The following CASK variants were observed in gnomAD, a reference collection of about 807,000 sequenced individuals.
The protein encoded by CASK is calcium/calmodulin dependent serine protein kinase.
A neutral mutation model predicts 82.9 loss-of-function variants in CASK; 4 were observed. That is an observed-to-expected ratio of 0.05 (90% CI 0.02 to 0.11). The LOEUF (loss-of-function observed/expected upper bound fraction) is 0.11, where lower values mean the gene tolerates loss of function less well. Among genes scored for constraint, CASK ranks in the 10% least tolerant of loss-of-function variants. The pLI is 1.00. For missense variants in CASK, 358 were observed against 720.9 expected (o/e 0.50, Z 5.76); for synonymous variants, 259 against 253.5 (o/e 1.02, Z -0.20).
intron 8 of CASK, among the ~76,000 whole-genome samples, chrX:41,641,647 A>C (rs903881944): frequency 1.8e-5 from 2 of 112,256 alleles, no homozygotes; most frequent in Admixed American, 9.4e-5. Flanking sequence ...TTGATGTGAA[A>C]TAAGTGAATA....
At chrX:41,846,473 G>C (rs2071157871) in intron 2 of CASK, among the ~76,000 whole-genome samples, 1 of 110,434 alleles carries the variant, frequency 9.1e-6, no homozygotes, top group Non-Finnish European at 1.9e-5. Context: ...GGGGAAAGTA[G>C]GGATGGTTAA....
At chrX:41,916,708 G>T (rs1171170564) in intron 1 of CASK, among the ~76,000 whole-genome samples, 2 of 111,777 alleles carry the variant, frequency 1.8e-5, no homozygotes, top group Admixed American at 1.9e-4. Flanking sequence ...TTTTATCACA[G>T]GATAAAGGAA....
intron 1 of CASK, among the ~76,000 whole-genome samples, chrX:41,883,312 T>C (rs1196137520): frequency 1.8e-5 from 2 of 111,495 alleles, no homozygotes; most frequent in Non-Finnish European, 3.8e-5. Context: ...ACTATAAACA[T>C]CAACAGCTCC....
chrX:41,569,847 TA>T (rs935210203), intron 15 of CASK, 101 bp from the exon 16 acceptor site: 11 of 513,721 alleles, frequency 2.1e-5, no homozygotes, highest in Non-Finnish European at 3.6e-5. Context: ...AATTACCAGT[TA>T]AAAAAAATTA....
rs1474354485 is a variant in CASK, at chrX:41,517,297, A to T, written c.*3123T>A. Reference sequence around the variant, plus strand: ...AATGCAAATAGCAAGAAGTAGGTCAACCATTTGTTTTCCTCTCTGAGCAAA... The same window carrying T: ...AATGCAAATAGCAAGAAGTAGGTCATCCATTTGTTTTCCTCTCTGAGCAAA... On this transcript the variant is annotated 3_prime_UTR_variant, in exon 27 of 27. Coordinates refer to ENST00000378163, the MANE Select transcript of CASK (RefSeq NM_001367721.1). The T allele has an allele frequency of 8.4e-6, 1 of 118,372 alleles. No individual in the cohort carries two copies. The highest frequency in any genetic ancestry group is 8.6e-5 in the Admixed American group (1 of 11,574). The allele number at this position is 118,372 out of a possible 1,213,427, so 9.8% of individuals were successfully genotyped here. A position where few individuals can be genotyped will look rare whatever the true frequency, so the allele number is the denominator to read the frequency against.
chrX:41,661,679 T>C (rs1240389332), intron 7 of CASK, among the ~76,000 whole-genome samples: 1 of 109,689 alleles, frequency 9.1e-6, no homozygotes, highest in Non-Finnish European at 1.9e-5. Context: ...TGCTTCATTT[T>C]TCCCCCCAAC....
chrX:41,737,175 G>A (rs186489469), intron 5 of CASK, among the ~76,000 whole-genome samples: 58 of 111,786 alleles, frequency 5.2e-4, no homozygotes, highest in African/African-American at 1.1e-3. Context: ...ATAGGGCCAC[G>A]TGGAGAGAGA....
At chrX:41,912,301 T>G (rs1033943237) in intron 1 of CASK, among the ~76,000 whole-genome samples, 2 of 71,487 alleles carry the variant, frequency 2.8e-5, no homozygotes, top group African/African-American at 5.4e-5. Flanking sequence ...TTGTTTTCTG[T>G]TTTTTTTTTT....
At chrX:41,906,285 C>G (rs1165465066) in intron 1 of CASK, among the ~76,000 whole-genome samples, 3 of 112,026 alleles carry the variant, frequency 2.7e-5, no homozygotes, top group Middle Eastern at 4.7e-3. Context: ...GAATCCTGAC[C>G]TAATGAAGCT....
At chrX:41,915,376 A>G (rs2072655850) in intron 1 of CASK, among the ~76,000 whole-genome samples, 1 of 112,750 alleles carries the variant, frequency 8.9e-6, no homozygotes, top group Non-Finnish European at 1.9e-5. Flanking sequence ...GATGGATATG[A>G]CAAGATCATC....
At chrX:41,716,140 A>G (rs1190152462) in intron 5 of CASK, among the ~76,000 whole-genome samples, 1 of 112,611 alleles carries the variant, frequency 8.9e-6, no homozygotes. Flanking sequence ...TCTTCTCAGA[A>G]TAATAGTTTG....
intron 5 of CASK, among the ~76,000 whole-genome samples, chrX:41,688,740 C>G (rs936180684): frequency 9.1e-6 from 1 of 110,176 alleles, no homozygotes; most frequent in Admixed American, 9.7e-5. Context: ...AAATTTTGAG[C>G]GGGGGGAGGA....
rs781207535 is a variant in CASK at position 41,569,717 on chromosome X, A to G, written c.1533T>C (p.Asn511=). ...MGITLKMNEL[N]HCIVARIMHG... ...GCATAATTCTTGCAACAATACAATGATTTAGTTCATTCATTTTTAAAGTGA... is the reference window on the plus strand; with the variant it reads ...GCATAATTCTTGCAACAATACAATGGTTTAGTTCATTCATTTTTAAAGTGA... Residue 511 remains asparagine (N), a synonymous_variant, in exon 16 of 27, where the codon AAT becomes AAC. Transcript: ENST00000378163. 4 of 1,161,144 alleles carry G rather than the reference A, an allele frequency of 3.4e-6. No individual in the cohort carries two copies. In the African/African-American group the frequency reaches 7.1e-5, roughly 21 times the overall value.
At chrX:41,652,221 A>G (rs771987093) in intron 8 of CASK, among the ~76,000 whole-genome samples, 1 of 110,808 alleles carries the variant, frequency 9.0e-6, no homozygotes, top group East Asian at 2.9e-4. Flanking sequence ...AAGCAGGGAG[A>G]GTAGGAAGGG....
At chrX:41,697,516 T>C (rs1241835728) in intron 5 of CASK, 1 of 111,974 alleles carries the variant, frequency 8.9e-6, no homozygotes, top group African/African-American at 3.2e-5. Context: ...TACAGAATCA[T>C]TCAAATACGT....
intron 2 of CASK, among the ~76,000 whole-genome samples, chrX:41,824,804 A>G (rs2070624640): frequency 9.0e-6 from 1 of 111,556 alleles, no homozygotes; most frequent in African/African-American, 3.3e-5. Flanking sequence ...AACAAGGTTC[A>G]GATCTTAGTG....
chrX:41,520,493 A>T lies in CASK; in HGVS notation c.2708T>A (p.Ile903Asn). Residue 903 changes from isoleucine (I) to asparagine (N), a missense_variant, in exon 27 of 27, where the codon ATC becomes AAC. Around this residue, in one of 5 missense-constraint regions of CASK, gnomAD observed 118 missense variants for 169.4 expected, o/e 0.70. Transcript: ENST00000378163. ...CTCAACAGCTTCCTCCAGATGTCTG[A>T]TTGTCTCATCAATTTCATTGTTGAT... ...TIINNEIDETIRHLEEAVELV... is the reference protein window; with the variant it reads ...TIINNEIDETNRHLEEAVELV... The T allele has an allele frequency of 8.3e-7, 1 of 1,208,762 alleles. No homozygotes were observed. Among genetic ancestry groups the T allele is most frequent in the Non-Finnish European group, 1.1e-6 (1 of 893,073 alleles).
At chrX:41,830,548 C>A (rs779828851) in intron 2 of CASK, among the ~76,000 whole-genome samples, 4 of 110,998 alleles carry the variant, frequency 3.6e-5, no homozygotes, top group Non-Finnish European at 7.6e-5. Flanking sequence ...TGGCCGGGTG[C>A]GGTGGCTCAC....
At chrX:41,871,941 A>G (rs968605374) in intron 1 of CASK, among the ~76,000 whole-genome samples, 1 of 112,171 alleles carries the variant, frequency 8.9e-6, no homozygotes, top group African/African-American at 3.2e-5. Flanking sequence ...CTCAGATTGC[A>G]TTCCTTTTTG....
Sources: gnomAD v4.1 joint callset for allele counts (sites outside exome capture counted in the v4.1 genomes callset) on GRCh38, gnomAD v4.1.1 for gene constraint, gnomAD v4.1.1 regional missense constraint, MANE v1.5 for transcripts, NCBI Gene and HGNC (gene_info 2026-07-23, HGNC 2026-07-21) for gene names.